Variants in GARIN5A observed in about 807,000 individuals in gnomAD.
GARIN5A encodes Golgi-associated RAB2 interactor protein 5A.
At chr19:50,472,048 A>G in the GARIN5A span, among the ~76,000 whole-genome samples, 2 of 141,748 alleles carry the variant, frequency 1.4e-5, no homozygotes, top group Admixed American at 6.8e-5. Context: ...GTGTATATGT[A>G]TATATACGTG....
At chr19:50,472,185 T>TACGTGTGTATATGTATGTAC in the GARIN5A span, among the ~76,000 whole-genome samples, 24 of 141,670 alleles carry the variant, frequency 1.7e-4, 1 homozygote, top group African/African-American at 6.9e-4. Context: ...TATGTATGTA[T>TACGTGTGTATATGTATGTAC]ACATGTATGT....
the GARIN5A span, chr19:50,475,508 G>T: frequency 6.6e-7 from 1 of 1,525,190 alleles, no homozygotes. Context: ...GCAGAACTGA[G>T]GAGGGATCAG....
the GARIN5A span, among the ~76,000 whole-genome samples, chr19:50,467,313 C>T: frequency 1.8e-4 from 28 of 151,956 alleles, no homozygotes; most frequent in Non-Finnish European, 3.4e-4. Context: ...GTGCCAAGGC[C>T]CTGGAGAGAC....
the GARIN5A span, among the ~76,000 whole-genome samples, chr19:50,467,220 T>C: frequency 1.3e-5 from 2 of 152,048 alleles, no homozygotes; most frequent in Non-Finnish European, 2.9e-5. Flanking sequence ...TACTCTGGTA[T>C]GTCACGGGGA....
chr19:50,471,709 T>TGTGTGTATACGCATACATGCACGC, the GARIN5A span, among the ~76,000 whole-genome samples: 4 of 144,392 alleles, frequency 2.8e-5, no homozygotes, highest in Non-Finnish European at 4.5e-5. Context: ...TACATGCACG[T>TGTGTGTATACGCATACATGCACGC]GTGTGTATAC....
chr19:50,475,334 T>C, the GARIN5A span: 1 of 1,594,094 alleles, frequency 6.3e-7, no homozygotes, highest in Non-Finnish European at 8.6e-7. Flanking sequence ...CCCGAAGAGT[T>C]GCAGGTGTCC....
At chr19:50,476,760 G>A in the GARIN5A span, 196 of 743,822 alleles carry the variant, frequency 2.6e-4, 2 homozygotes, top group African/African-American at 3.3e-3. Flanking sequence ...GCAGGGCTGA[G>A]AGGGAAGAGG....
At chr19:50,475,734 C>A in the GARIN5A span, 1 of 887,192 alleles carries the variant, frequency 1.1e-6, no homozygotes, top group East Asian at 2.5e-5. Context: ...TCGGGAATCC[C>A]ACGAGATGGA....
chr19:50,472,209 C>CATCTGTGTATGTATATATACATGT, the GARIN5A span, among the ~76,000 whole-genome samples: 161 of 117,218 alleles, frequency 1.4e-3, 4 homozygotes, highest in African/African-American at 5.2e-3. Flanking sequence ...CATGTATATA[C>CATCTGTGTATGTATATATACATGT]ATGTGTGTAT....
At chr19:50,476,647 G>C in the GARIN5A span, 1 of 1,532,992 alleles carries the variant, frequency 6.5e-7, no homozygotes, top group African/African-American at 1.4e-5. Flanking sequence ...GGCCGGGACT[G>C]GTGCGCGAGG....
the GARIN5A span, among the ~76,000 whole-genome samples, chr19:50,468,575 C>G: frequency 6.6e-6 from 1 of 151,912 alleles, no homozygotes; most frequent in African/African-American, 2.4e-5. Flanking sequence ...CCTGATGAGT[C>G]CTGACACCAC....
the GARIN5A span, among the ~76,000 whole-genome samples, chr19:50,472,068 G>A: frequency 8.2e-5 from 8 of 97,406 alleles, no homozygotes; most frequent in African/African-American, 5.4e-4. Flanking sequence ...GTGTGTATAT[G>A]TGTATATATA....
chr19:50,476,273 G>A, the GARIN5A span: 16 of 1,608,250 alleles, frequency 9.9e-6, no homozygotes, highest in Non-Finnish European at 1.2e-5. Flanking sequence ...TACGCGCACT[G>A]TGACGTCATG....
At chr19:50,473,010 C>T in the GARIN5A span, among the ~76,000 whole-genome samples, 1 of 152,072 alleles carries the variant, frequency 6.6e-6, no homozygotes, top group African/African-American at 2.4e-5. Context: ...TAGTGAGATC[C>T]CACCTCTACA....
the GARIN5A span, among the ~76,000 whole-genome samples, chr19:50,473,749 G>A: frequency 1.3e-5 from 2 of 152,170 alleles, no homozygotes; most frequent in Non-Finnish European, 2.9e-5. Context: ...CACTTTGGGA[G>A]GCCCAGGCAG....
At chr19:50,468,372 A>G in the GARIN5A span, among the ~76,000 whole-genome samples, 1 of 151,470 alleles carries the variant, frequency 6.6e-6, no homozygotes, top group Admixed American at 6.6e-5. Flanking sequence ...TCAAAAAAAA[A>G]AAAAAAAAAA....
chr19:50,469,697 T>C, the GARIN5A span, among the ~76,000 whole-genome samples: 30 of 152,096 alleles, frequency 2.0e-4, no homozygotes, highest in African/African-American at 4.6e-4. Flanking sequence ...ACAGCCAGGA[T>C]TGGAGCCCAG....
chr19:50,469,856 T>C, the GARIN5A span, among the ~76,000 whole-genome samples: 660 of 152,254 alleles, frequency 4.3e-3, 5 homozygotes, highest in African/African-American at 0.015. Flanking sequence ...GTAACCGAGA[T>C]GCCAACAAAC....
the GARIN5A span, among the ~76,000 whole-genome samples, chr19:50,472,216 G>GTATATATACATGTATGTGTGTA: frequency 1.5e-5 from 2 of 129,436 alleles, no homozygotes; most frequent in African/African-American, 6.6e-5. Context: ...ATACATGTGT[G>GTATATATACATGTATGTGTGTA]TATGTATATA....
Sources: allele counts gnomAD v4.1 joint callset (sites outside exome capture counted in the v4.1 genomes callset), GRCh38; gene constraint gnomAD v4.1.1; transcripts MANE v1.5; gene names NCBI Gene and HGNC (gene_info 2026-07-23, HGNC 2026-07-21).